Variants in KIF15 observed in about 807,000 individuals in gnomAD.
The protein encoded by KIF15 is kinesin family member 15.
Under a neutral mutation model 190.6 loss-of-function variants are expected in KIF15, and 140 were observed. The observed-to-expected ratio is 0.73, with a 90% CI of 0.64 to 0.84. KIF15 has a LOEUF of 0.84. KIF15 is among the 40% of genes least tolerant of loss of function. The pLI is 0.00. For synonymous variants in KIF15, 528 were observed against 551.3 expected (o/e 0.96, Z 0.59); for missense variants, 1,372 against 1,584.4 (o/e 0.87, Z 2.28).
intron 11 of KIF15, 82 bp from the exon 12 acceptor site, chr3:44,801,368 A>G (rs965854202): frequency 1.2e-6 from 1 of 824,318 alleles, no homozygotes; most frequent in East Asian, 2.5e-5. Context: ...AGAGCAATCA[A>G]TTAAAGGCTA....
At chr3:44,859,826 T>A (rs1200256399) in intron 6 of KIF15, among the ~76,000 whole-genome samples, 1 of 152,154 alleles carries the variant, frequency 6.6e-6, no homozygotes, top group Non-Finnish European at 1.5e-5. Flanking sequence ...TCTGTCTCCC[T>A]CTAAAAACAA....
chr3:44,831,169 G>C, intron 26 of KIF15, 151 bp downstream of exon 26: 1 of 876,744 alleles, frequency 1.1e-6, no homozygotes, highest in Non-Finnish European at 1.7e-6. Flanking sequence ...CACTACACAG[G>C]CTCATTCTAC....
rs1392826707 is a variant in KIF15, at chr3:44,802,973, A to C, written c.1669A>C (p.Met557Leu). The stretch of plus-strand genomic sequence containing the variant: ...AAAAGCTTTCTCTGAAATAAGTGGC[A>C]TGGAGAAAAGTGACAAAAGTAAGAA... Reference protein sequence around the residue: ...LEKAFSEISGMEKSDKNQQGF... With the variant: ...LEKAFSEISGLEKSDKNQQGF... The change falls in exon 14 of 35, where the codon ATG (methionine) becomes CTG (leucine). Residue 557 changes from methionine to leucine, a missense_variant. Met to Leu is a conservative substitution (Grantham distance 15, BLOSUM62 2). Transcript: ENST00000326047. The C allele has an allele frequency of 6.3e-7, 1 of 1,597,450 alleles. No homozygotes were observed. Among genetic ancestry groups the C allele is most frequent in the Non-Finnish European group, 8.5e-7 (1 of 1,175,880 alleles).
intron 10 of KIF15, among the ~76,000 whole-genome samples, chr3:44,799,650 C>T (rs561658689): frequency 6.6e-6 from 1 of 150,454 alleles, no homozygotes; most frequent in Non-Finnish European, 1.5e-5. Flanking sequence ...CTCTTGACAT[C>T]CTGCCCCACA....
chr3:44,827,433 G>C, intron 22 of KIF15, 26 bp from the exon 23 acceptor site: 1 of 1,517,792 alleles, frequency 6.6e-7, no homozygotes, highest in Non-Finnish European at 9.1e-7. Flanking sequence ...TGAAGTCAGG[G>C]GTAAAAGATA....
intron 1 of KIF15, among the ~76,000 whole-genome samples, chr3:44,772,640 G>T (rs1705693559): frequency 6.6e-6 from 1 of 152,146 alleles, no homozygotes; most frequent in East Asian, 1.9e-4. Flanking sequence ...ATGCAAAGTG[G>T]CCAGTATTTC....
chr3:44,838,520 A>T, intron 27 of KIF15, 99 bp downstream of exon 27: 5 of 1,221,780 alleles, frequency 4.1e-6, no homozygotes, highest in Non-Finnish European at 5.6e-6. Context: ...AAGGGGGTGG[A>T]CCACTTGAAG....
At chr3:44,813,016 G>A (rs1707865079) in intron 18 of KIF15, 59 bp from the exon 19 acceptor site, 1 of 977,088 alleles carries the variant, frequency 1.0e-6, no homozygotes, top group Admixed American at 2.5e-5. Flanking sequence ...TTAATGATTT[G>A]GAGTGCATCT....
At chr3:44,864,409 A>G (rs959161461) in intron 6 of KIF15, 49 of 1,598,742 alleles carry the variant, frequency 3.1e-5, no homozygotes, top group Admixed American at 5.0e-5. Flanking sequence ...GTCTTTGGAT[A>G]ACCCCTCCTT....
chr3:44,800,222 C>T, intron 10 of KIF15, 92 bp from the exon 11 acceptor site: 2 of 1,184,556 alleles, frequency 1.7e-6, no homozygotes, highest in South Asian at 1.5e-5. Flanking sequence ...GTTTGATGTT[C>T]ATCACTACAA....
intron 16 of KIF15, 126 bp downstream of exon 16, chr3:44,806,112 T>G: frequency 9.8e-7 from 1 of 1,023,590 alleles, no homozygotes; most frequent in Non-Finnish European, 1.4e-6. Context: ...AACACCGGTG[T>G]CACACTGGTC....
intron 16 of KIF15, among the ~76,000 whole-genome samples, chr3:44,808,258 G>A (rs1228957279): frequency 2.0e-5 from 3 of 152,164 alleles, no homozygotes; most frequent in Non-Finnish European, 2.9e-5. Flanking sequence ...GAAGCACCAC[G>A]GCATTCTCGT....
chr3:44,830,127 G>T, intron 25 of KIF15, 52 bp downstream of exon 25: 1 of 928,070 alleles, frequency 1.1e-6, no homozygotes, highest in South Asian at 1.8e-5. Flanking sequence ...ACACTTCACA[G>T]ACTTTTCAAG....
intron 5 of KIF15, among the ~76,000 whole-genome samples, chr3:44,782,611 A>G (rs1022082685): frequency 1.3e-5 from 2 of 152,246 alleles, no homozygotes; most frequent in Non-Finnish European, 2.9e-5. Flanking sequence ...GCCAAAGGTA[A>G]TAAGTGCTAT....
intron 6 of KIF15, chr3:44,861,892 C>A (rs1268321669): frequency 1.3e-6 from 2 of 1,487,708 alleles, no homozygotes; most frequent in Non-Finnish European, 1.8e-6. Context: ...GCCCTGCGGG[C>A]AGCGGGTGCC....
chr3:44,773,079 A>T (rs1406223935), intron 1 of KIF15, among the ~76,000 whole-genome samples: 1 of 152,078 alleles, frequency 6.6e-6, no homozygotes, highest in Non-Finnish European at 1.5e-5. Context: ...TTCATAATTG[A>T]AACCTTACAG....
intron 1 of KIF15, among the ~76,000 whole-genome samples, chr3:44,762,448 CG>C (rs879295378): frequency 2.0e-5 from 3 of 152,184 alleles, no homozygotes; most frequent in Non-Finnish European, 4.4e-5. Flanking sequence ...CTCTTTTTCA[CG>C]GAGGAGAGCA....
intron 1 of KIF15, among the ~76,000 whole-genome samples, chr3:44,767,253 G>A (rs1575569879): frequency 4.6e-5 from 7 of 152,276 alleles, no homozygotes; most frequent in Admixed American, 6.5e-5. Flanking sequence ...GAGAGTGGGG[G>A]AGAAAGAGAA....
intron 22 of KIF15, chr3:44,827,065 T>C (rs750713547): frequency 1.3e-5 from 6 of 456,620 alleles, no homozygotes; most frequent in Non-Finnish European, 2.6e-5. Flanking sequence ...ATTTACTCAT[T>C]TATTCAAACA....
Sources: allele counts gnomAD v4.1 joint callset (sites outside exome capture counted in the v4.1 genomes callset), GRCh38; gene constraint gnomAD v4.1.1; transcripts MANE v1.5; gene names NCBI Gene and HGNC (gene_info 2026-07-23, HGNC 2026-07-21).